P2RY14: variants seen among roughly 807,000 people sequenced by gnomAD.
P2RY14 encodes P2Y purinoceptor 14.
A neutral mutation model predicts 0.9 loss-of-function variants in P2RY14; 2 were observed. The ratio of observed to expected loss-of-function variants is 2.16; its 90% CI spans 0.88 to 6.79. P2RY14 has a LOEUF of 6.79. Among genes scored for constraint, P2RY14 ranks in the 30% most tolerant of loss-of-function variants. P2RY14 has a pLI of 0.05. For missense variants in P2RY14, 378 were observed against 400.1 expected (o/e 0.94, Z 0.47); for synonymous variants, 158 against 147.2 (o/e 1.07, Z -0.53).
intron 2 of P2RY14, among the ~76,000 whole-genome samples, 168 bp downstream of exon 2, chr3:151,219,367 A>G (rs962418382): frequency 1.3e-5 from 2 of 152,212 alleles, no homozygotes; most frequent in African/African-American, 4.8e-5. Context: ...TTCATTACTC[A>G]TCTGTGTAAT....
intron 1 of P2RY14, among the ~76,000 whole-genome samples, chr3:151,251,649 G>A (rs932304592): frequency 3.9e-5 from 6 of 152,166 alleles, no homozygotes; most frequent in Non-Finnish European, 7.3e-5. Context: ...GCCTTGGTCT[G>A]TATATCACAG....
chr3:151,248,497 A>T (rs1736196205), intron 1 of P2RY14, among the ~76,000 whole-genome samples: 1 of 152,134 alleles, frequency 6.6e-6, no homozygotes, highest in South Asian at 2.1e-4. Flanking sequence ...CCCTGAGATT[A>T]TATATATCAT....
chr3:151,261,082 A>T (rs989035564), intron 1 of P2RY14, among the ~76,000 whole-genome samples: 3 of 152,114 alleles, frequency 2.0e-5, no homozygotes, highest in Non-Finnish European at 4.4e-5. Flanking sequence ...GAGGGGAAGC[A>T]TCTTGATTTT....
chr3:151,218,292 A>G (rs1728626281), intron 2 of P2RY14, among the ~76,000 whole-genome samples: 1 of 152,194 alleles, frequency 6.6e-6, no homozygotes, highest in Admixed American at 6.5e-5. Flanking sequence ...CAGTCCATTA[A>G]AGAGGAGAGA....
At chr3:151,276,990 A>C (rs1168809923) in intron 1 of P2RY14, among the ~76,000 whole-genome samples, 1 of 152,104 alleles carries the variant, frequency 6.6e-6, no homozygotes. Context: ...TCTGGCTCCC[A>C]GACTCAAGCG....
At chr3:151,220,581 G>A (rs1729150203) in intron 1 of P2RY14, among the ~76,000 whole-genome samples, 1 of 152,178 alleles carries the variant, frequency 6.6e-6, no homozygotes, top group Non-Finnish European at 1.5e-5. Context: ...GGGTCTTTCT[G>A]TGCTGTTCTT....
intron 1 of P2RY14, among the ~76,000 whole-genome samples, chr3:151,251,474 C>G (rs1029347121): frequency 1.3e-5 from 2 of 152,128 alleles, no homozygotes; most frequent in Non-Finnish European, 2.9e-5. Context: ...CAATCTGCCT[C>G]CCACCCACAG....
At chr3:151,259,441 A>C (rs972912898) in intron 1 of P2RY14, among the ~76,000 whole-genome samples, 4 of 152,204 alleles carry the variant, frequency 2.6e-5, no homozygotes, top group African/African-American at 9.6e-5. Context: ...TTATTAGTCA[A>C]CCTGGACACT....
rs1727446182 is a variant in P2RY14, at chr3:151,213,068, T to C, written c.*232A>G. 1 of 292,134 alleles carries C rather than the reference T, an allele frequency of 3.4e-6. No homozygotes were observed. The highest frequency in any genetic ancestry group is 1.2e-4 in the South Asian group (1 of 8,542). The allele number at this position is 292,134 out of a possible 1,614,324, so 18.1% of individuals were successfully genotyped here. A position where few individuals can be genotyped will look rare whatever the true frequency, so the allele number is the denominator to read the frequency against. On this transcript the variant is annotated 3_prime_UTR_variant, in exon 3 of 3. Coordinates refer to ENST00000309170, the MANE Select transcript of P2RY14 (RefSeq NM_014879.4). ...AGAATTGAATAATTGTATGTATTAATTTTTTATTAATAGAGAATAGAAAGG... is the reference window on the plus strand; with the variant it reads ...AGAATTGAATAATTGTATGTATTAACTTTTTATTAATAGAGAATAGAAAGG...
rs529733460 is a variant in P2RY14 at position 151,212,721 on chromosome 3, C to A, written c.*579G>T. ...TAAGTATACAATTAATATTCCTCTT[C>A]CTTTGCAGTGCCATGAAATACATCA... On this transcript the variant is annotated 3_prime_UTR_variant, in exon 3 of 3. Coordinates refer to ENST00000309170, the MANE Select transcript of P2RY14 (RefSeq NM_014879.4). 6.6e-6 allele frequency: 1 copy of A among 152,068 alleles called. No individual in the cohort carries two copies. Among genetic ancestry groups the A allele is most frequent in the Admixed American group, 6.6e-5 (1 of 15,252 alleles). 9.4% of individuals were successfully genotyped at this position (152,068 alleles called of 1,614,324 possible).
chr3:151,233,459 C>T lies in P2RY14; in HGVS notation c.-132-13817G>A, dbSNP rs148568129. Among the ~76,000 whole-genome samples the T allele has an allele frequency of 3.8e-3, 582 of 152,298 alleles. 1 individual carries two copies. Among genetic ancestry groups the T allele is most frequent in the African/African-American group, 0.012 (518 of 41,540 alleles). ...AAAAAGAACATAGCACTGGGCCGGG[C>T]GTGATGGCTCCCGCCTGTAATCCCA... On this transcript the variant is annotated intron_variant, in intron 1 of 2. Transcript: ENST00000309170.
chr3:151,213,543 CTT>C lies in P2RY14; in HGVS notation c.772_773del (p.Lys258GlufsTer45), dbSNP rs763417485. On this transcript the variant is annotated frameshift_variant, in exon 3 of 3. Coordinates refer to ENST00000309170, the MANE Select transcript of P2RY14 (RefSeq NM_014879.4). LOFTEE classifies it high-confidence loss of function. The part of the protein sequence containing the change: ...PYHIARIPYT[K>X]SQTEAHYSCQ... ...AGCTGTAATGAGCTTCGGTCTGACT[CTT>C]TGTGTAGGGGATTCTGGCAATATGG... 11 of 1,614,176 alleles carry C rather than the reference CTT, an allele frequency of 6.8e-6. No homozygotes were observed. Among genetic ancestry groups the C allele is most frequent in the Admixed American group, 1.7e-5 (1 of 60,024 alleles).
intron 1 of P2RY14, among the ~76,000 whole-genome samples, chr3:151,253,964 T>C (rs906403501): frequency 2.0e-5 from 3 of 151,614 alleles, no homozygotes; most frequent in East Asian, 1.9e-4. Context: ...AATGGATACA[T>C]TTGATATACC....
chr3:151,249,517 A>G (rs914246204), intron 1 of P2RY14, among the ~76,000 whole-genome samples: 1 of 151,966 alleles, frequency 6.6e-6, no homozygotes, highest in Non-Finnish European at 1.5e-5. Context: ...ATGAGAAGAG[A>G]TATTGAAAGG....
At chr3:151,215,062 T>C (rs746152612) in intron 2 of P2RY14, among the ~76,000 whole-genome samples, 1 of 152,070 alleles carries the variant, frequency 6.6e-6, no homozygotes, top group Non-Finnish European at 1.5e-5. Context: ...TACATTCAAA[T>C]GTTAACCGGT....
chr3:151,251,484 G>T (rs1457979908), intron 1 of P2RY14, among the ~76,000 whole-genome samples: 1 of 152,034 alleles, frequency 6.6e-6, no homozygotes, highest in Non-Finnish European at 1.5e-5. Context: ...CCCACCCACA[G>T]GGTGTGTCCT....
In P2RY14 at chr3:151,229,473, A is replaced by ATT. The variant is rs59434401; in HGVS notation, c.-132-9833_-132-9832dup. Among the ~76,000 whole-genome samples the ATT allele has an allele frequency of 7.6e-3, 684 of 90,056 alleles. 3 individuals carry two copies. Among genetic ancestry groups the ATT allele is most frequent in the Non-Finnish European group, 9.6e-3 (459 of 47,618 alleles). The allele number at this position is 90,056 out of a possible 152,430, so 59.1% of individuals were successfully genotyped here. Reference sequence around the variant, plus strand: ...AGGCTCGTGCCACCATGCCCGGCTAATTTTTTTTTTTTTTTTTTTTTTTGA... The same window carrying ATT: ...AGGCTCGTGCCACCATGCCCGGCTAATTTTTTTTTTTTTTTTTTTTTTTTTGA... On this transcript the variant is annotated intron_variant, in intron 1 of 2. Coordinates refer to ENST00000309170, the MANE Select transcript of P2RY14 (RefSeq NM_014879.4).
intron 1 of P2RY14, among the ~76,000 whole-genome samples, chr3:151,228,550 G>A (rs1364350809): frequency 6.6e-6 from 1 of 152,180 alleles, no homozygotes; most frequent in Non-Finnish European, 1.5e-5. Context: ...AGTGCTCTGA[G>A]CTTCCTCCAG....
intron 1 of P2RY14, among the ~76,000 whole-genome samples, chr3:151,236,203 C>T (rs569336125): frequency 1.3e-5 from 2 of 152,296 alleles, no homozygotes; most frequent in East Asian, 3.9e-4. Flanking sequence ...TCAGAATGAA[C>T]TTACTTATAC....
Sources: gnomAD v4.1 joint callset for allele counts (sites outside exome capture counted in the v4.1 genomes callset) on GRCh38, gnomAD v4.1.1 for gene constraint, MANE v1.5 for transcripts, NCBI Gene and HGNC (gene_info 2026-07-23, HGNC 2026-07-21) for gene names.